Variants in ZNF569 observed in about 807,000 individuals in gnomAD.
ZNF569 encodes the protein zinc finger protein 569.
ZNF569 carries 38 observed loss-of-function variants against 56.3 expected under a neutral mutation model. The ratio of observed to expected loss-of-function variants is 0.68; its 90% CI spans 0.52 to 0.88. ZNF569 has a LOEUF of 0.88. Among genes scored for constraint, ZNF569 ranks in the 40% least tolerant of loss-of-function variants. ZNF569 has a pLI of 0.00. For missense variants in ZNF569, 666 were observed against 809.2 expected (o/e 0.82, Z 2.15); for synonymous variants, 241 against 262.9 (o/e 0.92, Z 0.81).
At chr19:37,461,210 C>T (rs536892256) in intron 2 of ZNF569, among the ~76,000 whole-genome samples, 77 of 152,114 alleles carry the variant, frequency 5.1e-4, no homozygotes, top group Non-Finnish European at 9.7e-4. Flanking sequence ...TTTTGTAGCC[C>T]TTACTGAAAT....
At position 37,413,904 on chromosome 19, in the gene ZNF569, T is replaced by C. The variant is rs2040883239; in HGVS notation, c.754A>G (p.Ile252Val). ...TGTCTAATGAGATTTGACATTTTAA[T>C]GAAAGCTTTACCACATTCATTACAT... ...YKCNECGKAF[I>V]KMSNLIRHQR... is the part of the protein sequence containing the mutation. Residue 252 changes from isoleucine (I) to valine (V), a missense_variant, in exon 6 of 6, where the codon ATT becomes GTT. By Grantham distance (29) the Ile-to-Val change is conservative. Coordinates refer to ENST00000316950, the MANE Select transcript of ZNF569 (RefSeq NM_152484.3). The C allele has an allele frequency of 1.9e-6, 3 of 1,613,420 alleles. No individual in the cohort carries two copies. Among genetic ancestry groups the C allele is most frequent in the Non-Finnish European group, 2.5e-6 (3 of 1,179,922 alleles).
intron 3 of ZNF569, among the ~76,000 whole-genome samples, chr19:37,439,053 C>T (rs1248619031): frequency 2.0e-5 from 3 of 152,056 alleles, no homozygotes; most frequent in Admixed American, 6.5e-5. Flanking sequence ...GAGATATCAT[C>T]TCACCCCAAT....
At chr19:37,468,814 C>T (rs888598328), upstream of ZNF569, among the ~76,000 whole-genome samples, 1 of 152,176 alleles carries the variant, frequency 6.6e-6, no homozygotes, top group Non-Finnish European at 1.5e-5. Context: ...CTGAGGGTAG[C>T]GGGTGGGAGA....
intron 2 of ZNF569, among the ~76,000 whole-genome samples, chr19:37,453,507 A>T (rs544071063): frequency 6.6e-6 from 1 of 152,228 alleles, no homozygotes; most frequent in Admixed American, 6.5e-5. Context: ...GTTTTTCTGC[A>T]CTTTAAAAAT....
At chr19:37,429,282 TAAGTCAATGC>T in intron 3 of ZNF569, among the ~76,000 whole-genome samples, 1 of 152,314 alleles carries the variant, frequency 6.6e-6, no homozygotes, top group Middle Eastern at 3.4e-3. Flanking sequence ...TGTAGACTGG[TAAGTCAATGC>T]GACTTACCAG....
rs71177448 is a variant in ZNF569 at position 37,424,815 on chromosome 19, C to CAA, written c.238+1051_238+1052dup. ...TGGGTGACAGAGTGAGACTCTGTCTCAAAAAAAAAAAAAAAAAAAAAAAAG... is the reference window on the plus strand; with the variant it reads ...TGGGTGACAGAGTGAGACTCTGTCTCAAAAAAAAAAAAAAAAAAAAAAAAAAG... On this transcript the variant is annotated intron_variant, in intron 5 of 5. Transcript: ENST00000316950. Among the ~76,000 whole-genome samples the CAA allele has an allele frequency of 8.3e-3, 275 of 33,032 alleles. 15 individuals are homozygous for CAA. The highest frequency in any genetic ancestry group is 0.016 in the African/African-American group (129 of 7,882). The allele number at this position is 33,032 out of a possible 152,430, so 21.7% of individuals were successfully genotyped here.
intron 3 of ZNF569, among the ~76,000 whole-genome samples, chr19:37,443,043 T>C (rs2041432670): frequency 6.6e-6 from 1 of 152,172 alleles, no homozygotes; most frequent in African/African-American, 2.4e-5. Flanking sequence ...TGGAGATATA[T>C]AGAAGCTGGC....
intron 5 of ZNF569, among the ~76,000 whole-genome samples, chr19:37,420,784 T>G (rs561061922): frequency 1.2e-4 from 18 of 152,292 alleles, no homozygotes; most frequent in African/African-American, 4.3e-4. Flanking sequence ...GAAACATAAA[T>G]CCTTTCCAGC....
In ZNF569 at chr19:37,467,071, C is replaced by T. The variant is rs1212416985; in HGVS notation, c.-205+13G>A. On this transcript the variant is annotated intron_variant, in intron 1 of 5. Transcript: ENST00000316950. ...GTCCGGCGCTCAGAGCTAGCGGTTTCCCGAGGACTCACCACCAAGCCCGCG... is the reference window on the plus strand; with the variant it reads ...GTCCGGCGCTCAGAGCTAGCGGTTTTCCGAGGACTCACCACCAAGCCCGCG... The T allele has an allele frequency of 6.6e-6, 1 of 152,334 alleles. No homozygotes were observed. Among genetic ancestry groups the T allele is most frequent in the Non-Finnish European group, 1.5e-5 (1 of 68,146 alleles). The allele number at this position is 152,334 out of a possible 1,614,324, so 9.4% of individuals were successfully genotyped here. A position where few individuals can be genotyped will look rare whatever the true frequency, so the allele number is the denominator to read the frequency against.
At chr19:37,430,360 C>G (rs1334506892) in intron 3 of ZNF569, among the ~76,000 whole-genome samples, 1 of 152,062 alleles carries the variant, frequency 6.6e-6, no homozygotes, top group Non-Finnish European at 1.5e-5. Flanking sequence ...CATTAATGTA[C>G]ATATTCAAGC....
rs181412184 is a variant in ZNF569, at chr19:37,445,864, C to G, written c.-43-900G>C. Among the ~76,000 whole-genome samples the G allele has an allele frequency of 2.9e-3, 436 of 152,030 alleles. 4 individuals are homozygous for G. The highest frequency in any genetic ancestry group is 0.01 in the African/African-American group (420 of 41,440). ...GTATAATCAATATTGTGAAAATGAC[C>G]ATATTGCCAAAAGCAATCTACAAAT... On this transcript the variant is annotated intron_variant, in intron 2 of 5. Transcript: ENST00000316950.
At chr19:37,432,521 C>G (rs768225019) in intron 3 of ZNF569, among the ~76,000 whole-genome samples, 3 of 152,216 alleles carry the variant, frequency 2.0e-5, no homozygotes, top group Non-Finnish European at 4.4e-5. Flanking sequence ...ACACCCAAGT[C>G]CCTTCAAATA....
intron 2 of ZNF569, among the ~76,000 whole-genome samples, chr19:37,452,391 A>T (rs934237990): frequency 6.6e-6 from 1 of 152,138 alleles, no homozygotes; most frequent in African/African-American, 2.4e-5. Flanking sequence ...ACCTCTATCA[A>T]TGAGTTTCAT....
intron 5 of ZNF569, among the ~76,000 whole-genome samples, chr19:37,423,118 G>T (rs1037318332): frequency 6.6e-6 from 1 of 152,112 alleles, no homozygotes; most frequent in Non-Finnish European, 1.5e-5. Flanking sequence ...AAGTTACTTT[G>T]TCAACTCTGA....
Position 37,414,190 on chromosome 19 carries a change from C to G in ZNF569, c.468G>C (p.Val156=). The G allele has an allele frequency of 6.2e-7, 1 of 1,613,126 alleles. No homozygotes were observed. Among genetic ancestry groups the G allele is most frequent in the Non-Finnish European group, 8.5e-7 (1 of 1,179,612 alleles). Residue 156 remains valine, a synonymous_variant, in exon 6 of 6, where the codon GTG becomes GTC. Coordinates refer to ENST00000316950, the MANE Select transcript of ZNF569 (RefSeq NM_152484.3). ...LEHNFDCHNN[V]KCLMRKEHCE... ...AATGCTCCTTTCTCATAAGGCATTT[C>G]ACATTATTATGACAGTCAAAATTAT... is the stretch of plus-strand genomic sequence containing the variant.
chr19:37,449,288 C>G (rs2041552794), intron 2 of ZNF569, among the ~76,000 whole-genome samples: 1 of 152,114 alleles, frequency 6.6e-6, no homozygotes, highest in South Asian at 2.1e-4. Flanking sequence ...GACATGTATT[C>G]TGCTGTTGTT....
chr19:37,437,317 A>G (rs895681658), intron 3 of ZNF569, among the ~76,000 whole-genome samples: 38 of 152,172 alleles, frequency 2.5e-4, no homozygotes, highest in African/African-American at 8.9e-4. Flanking sequence ...AACTGAGTAC[A>G]GAAGGAACAT....
At chr19:37,443,049 C>T (rs967994023) in intron 3 of ZNF569, among the ~76,000 whole-genome samples, 3 of 152,092 alleles carry the variant, frequency 2.0e-5, no homozygotes, top group East Asian at 3.9e-4. Context: ...TATATAGAAG[C>T]TGGCAGATAA....
At position 37,467,356 on chromosome 19, in the gene ZNF569, G is replaced by A. The variant is rs2041862865; in HGVS notation, c.-477C>T. 6.4e-6 allele frequency: 1 copy of A among 155,948 alleles called. No homozygotes were observed. Among genetic ancestry groups the A allele is most frequent in the Non-Finnish European group, 1.4e-5 (1 of 70,580 alleles). 9.7% of individuals were successfully genotyped at this position (155,948 alleles called of 1,614,324 possible). A position where few individuals can be genotyped will look rare whatever the true frequency, so the allele number is the denominator to read the frequency against. On this transcript the variant is annotated 5_prime_UTR_variant, in exon 1 of 6. Transcript: ENST00000316950. ...CGCAGGGGAGCTCAGCCTAGGTTTT[G>A]CACGAGCGGCCTCCCGCGAGCCCAG...
Sources: allele counts gnomAD v4.1 joint callset (sites outside exome capture counted in the v4.1 genomes callset), GRCh38; gene constraint gnomAD v4.1.1; transcripts MANE v1.5; gene names NCBI Gene and HGNC (gene_info 2026-07-23, HGNC 2026-07-21).